MAGI2: variants seen among roughly 807,000 people sequenced by gnomAD.
The protein encoded by MAGI2 is membrane-associated guanylate kinase, WW and PDZ domain-containing protein 2.
Under a neutral mutation model 133.3 loss-of-function variants are expected in MAGI2, and 35 were observed. That is an observed-to-expected ratio of 0.26 (90% CI 0.20 to 0.35). The LOEUF is 0.35. MAGI2 is among the 10% of genes least tolerant of loss of function. The probability of loss-of-function intolerance (pLI) is 1.00; values close to 1 mark genes in which losing one functional copy is unlikely to be tolerated. For synonymous variants in MAGI2, 729 were observed against 710.6 expected (o/e 1.03, Z -0.41); for missense variants, 1,636 against 1,863.4 (o/e 0.88, Z 2.25).
At chr7:79,272,230 T>C (rs540937324) in intron 1 of MAGI2, among the ~76,000 whole-genome samples, 1 of 152,268 alleles carries the variant, frequency 6.6e-6, no homozygotes, top group African/African-American at 2.4e-5. Context: ...TGATTATTAC[T>C]TTTATTAAAC....
rs558660947 is a variant in MAGI2 at position 79,023,330 on chromosome 7, T to G, written c.302-16124A>C. ...CTACAAACTAGGCATTGAAGGAACATATTTCAAAATAATAAAAGCTATCTA... is the reference window on the plus strand; with the variant it reads ...CTACAAACTAGGCATTGAAGGAACAGATTTCAAAATAATAAAAGCTATCTA... On this transcript the variant is annotated intron_variant, in intron 1 of 21. Transcript: ENST00000354212. Among the ~76,000 whole-genome samples, 23 of 152,182 alleles carry G rather than the reference T, an allele frequency of 1.5e-4. 1 individual carries two copies. The South Asian group carries it at 4.6e-3, about 30-fold the overall frequency.
intron 2 of MAGI2, among the ~76,000 whole-genome samples, chr7:78,862,363 T>C (rs1243704464): frequency 2.0e-5 from 3 of 152,184 alleles, no homozygotes; most frequent in African/African-American, 7.2e-5. Flanking sequence ...TGAAAACGTA[T>C]ATGGGAAAAT....
chr7:78,154,542 A>G (rs1471651595), intron 16 of MAGI2, among the ~76,000 whole-genome samples: 1 of 152,208 alleles, frequency 6.6e-6, no homozygotes, highest in East Asian at 1.9e-4. Context: ...ACTGTCCTGA[A>G]TATGTTCTAA....
At chr7:78,220,680 T>A (rs1788720578) in intron 10 of MAGI2, among the ~76,000 whole-genome samples, 1 of 152,096 alleles carries the variant, frequency 6.6e-6, no homozygotes, top group Non-Finnish European at 1.5e-5. Flanking sequence ...TTAAGTAACT[T>A]GACCATGAGA....
intron 2 of MAGI2, among the ~76,000 whole-genome samples, chr7:78,921,431 G>T (rs1464237700): frequency 1.3e-5 from 2 of 152,200 alleles, no homozygotes; most frequent in East Asian, 3.9e-4. Flanking sequence ...ACGTTGGGTG[G>T]AACCACAGAG....
At chr7:78,353,652 G>A (rs909236674) in intron 7 of MAGI2, among the ~76,000 whole-genome samples, 1 of 152,230 alleles carries the variant, frequency 6.6e-6, no homozygotes, top group African/African-American at 2.4e-5. Context: ...CACAAAGGAA[G>A]AGACATGTAA....
At chr7:78,296,040 G>A (rs1044557383) in intron 9 of MAGI2, among the ~76,000 whole-genome samples, 1 of 152,074 alleles carries the variant, frequency 6.6e-6, no homozygotes, top group Non-Finnish European at 1.5e-5. Context: ...CCTAGTTTCA[G>A]CTATAACGCT....
intron 2 of MAGI2, among the ~76,000 whole-genome samples, chr7:78,906,059 C>T (rs933768417): frequency 1.3e-5 from 2 of 152,032 alleles, no homozygotes; most frequent in African/African-American, 2.4e-5. Flanking sequence ...GAAGCAAGGA[C>T]ATGAAAAAGA....
intron 1 of MAGI2, chr7:79,343,237 T>C (rs1328229999): frequency 1.3e-5 from 2 of 152,180 alleles, no homozygotes; most frequent in Admixed American, 1.3e-4. Context: ...TTTCCTTGTG[T>C]CACTTTGTAA....
chr7:78,281,379 TCTCATGATAGTGAG>T (rs1795557806), intron 9 of MAGI2, among the ~76,000 whole-genome samples: 1 of 152,092 alleles, frequency 6.6e-6, no homozygotes, highest in East Asian at 1.9e-4. Context: ...CCCATCCTGT[TCTCATGATAGTGAG>T]TTCTCACCAG....
rs191774462 is a variant in MAGI2 at position 79,080,104 on chromosome 7, A to G, written c.302-72898T>C. The stretch of plus-strand genomic sequence containing the variant: ...TTACTTAACCTATTTGACTGCTTCA[A>G]ATGTTCACAGTGACCCTTCCTTAAT... On this transcript the variant is annotated intron_variant, in intron 1 of 21. Transcript: ENST00000354212. 8.5e-4 allele frequency among the ~76,000 whole-genome samples: 130 copies of G among 152,234 alleles called. 1 individual carries two copies. In the Middle Eastern group the frequency reaches 0.024, roughly 28 times the overall value.
At chr7:79,387,545 C>G (rs958485673) in intron 1 of MAGI2, among the ~76,000 whole-genome samples, 1 of 151,930 alleles carries the variant, frequency 6.6e-6, no homozygotes, top group Non-Finnish European at 1.5e-5. Flanking sequence ...TATTATGACT[C>G]CTGTTTATAC....
chr7:78,957,490 A>G (rs1270370095), intron 2 of MAGI2, among the ~76,000 whole-genome samples: 2 of 152,154 alleles, frequency 1.3e-5, no homozygotes, highest in African/African-American at 2.4e-5. Flanking sequence ...TACTATATGT[A>G]ATCGTAAGTA....
chr7:79,045,352 A>G (rs1174350171), intron 1 of MAGI2, among the ~76,000 whole-genome samples: 1 of 152,190 alleles, frequency 6.6e-6, no homozygotes, highest in Non-Finnish European at 1.5e-5. Context: ...AAATGAGTGC[A>G]TTTTATTATT....
At chr7:79,093,391 A>T (rs1002979345) in intron 1 of MAGI2, among the ~76,000 whole-genome samples, 1 of 152,186 alleles carries the variant, frequency 6.6e-6, no homozygotes, top group Admixed American at 6.5e-5. Flanking sequence ...CCAGACCACC[A>T]CAATAAAGCA....
chr7:78,957,607 C>CT (rs1802496766), intron 2 of MAGI2, among the ~76,000 whole-genome samples: 1 of 152,058 alleles, frequency 6.6e-6, no homozygotes, highest in South Asian at 2.1e-4. Context: ...GTTTGAAATG[C>CT]TTTTCATAAA....
chr7:78,925,866 A>G (rs1017501910), intron 2 of MAGI2, among the ~76,000 whole-genome samples: 11 of 152,010 alleles, frequency 7.2e-5, no homozygotes, highest in Non-Finnish European at 1.3e-4. Flanking sequence ...ATAAAAGCCA[A>G]AGCTTATTAA....
intron 20 of MAGI2, among the ~76,000 whole-genome samples, chr7:78,083,809 G>T (rs948266029): frequency 6.6e-6 from 1 of 151,800 alleles, no homozygotes; most frequent in African/African-American, 2.4e-5. Context: ...TTCTTTTTTT[G>T]CCTATGGAAG....
chr7:78,566,885 T>G (rs1198771158), intron 3 of MAGI2, among the ~76,000 whole-genome samples: 1 of 152,160 alleles, frequency 6.6e-6, no homozygotes, highest in East Asian at 1.9e-4. Context: ...TATAGCCTAA[T>G]GCCTAAATCA....
Sources: gnomAD v4.1 joint callset for allele counts (sites outside exome capture counted in the v4.1 genomes callset) on GRCh38, gnomAD v4.1.1 for gene constraint, MANE v1.5 for transcripts, NCBI Gene and HGNC (gene_info 2026-07-23, HGNC 2026-07-21) for gene names.